The following AMACR variants were observed in gnomAD, a reference collection of about 807,000 sequenced individuals.
AMACR encodes the protein alpha-methylacyl-CoA racemase.
Under a neutral mutation model 22.2 loss-of-function variants are expected in AMACR, and 18 were observed. That is an observed-to-expected ratio of 0.81 (90% CI 0.56 to 1.20). The LOEUF is 1.20. AMACR is among the 50% of genes most tolerant of loss of function. The probability of loss-of-function intolerance (pLI) is 0.00; values close to 1 mark genes in which losing one functional copy is unlikely to be tolerated. For missense variants in AMACR, 499 were observed against 490.6 expected (o/e 1.02, Z -0.16); for synonymous variants, 213 against 191.3 (o/e 1.11, Z -0.94).
intron 4 of AMACR, chr5:33,993,874 G>A (rs924770333): frequency 5.9e-6 from 2 of 340,652 alleles, no homozygotes; most frequent in Admixed American, 7.3e-5. Context: ...ACTCCAGCCT[G>A]GGTGACAGAG....
At chr5:33,997,931 A>T (rs916371008) in intron 4 of AMACR, among the ~76,000 whole-genome samples, 10 of 152,228 alleles carry the variant, frequency 6.6e-5, no homozygotes, top group Admixed American at 1.3e-4. Context: ...TGAAACTCTA[A>T]ACTTGTAGTA....
intron 4 of AMACR, among the ~76,000 whole-genome samples, chr5:33,992,958 A>G (rs1753528553): frequency 6.6e-6 from 1 of 152,168 alleles, no homozygotes; most frequent in Non-Finnish European, 1.5e-5. Context: ...GTACAGTACT[A>G]GGGCATTAAG....
intron 4 of AMACR, among the ~76,000 whole-genome samples, chr5:33,991,226 T>C (rs183188393): frequency 6.6e-6 from 1 of 152,242 alleles, no homozygotes; most frequent in African/African-American, 2.4e-5. Context: ...GATCCTACCC[T>C]AACTCTAACA....
chr5:33,989,600 G>C, intron 4 of AMACR, 98 bp from the exon 5 acceptor site: 2 of 1,024,532 alleles, frequency 2.0e-6, no homozygotes, highest in South Asian at 1.4e-5. Context: ...TGCAAAATAA[G>C]ATGTTCTATA....
At chr5:33,992,782 A>G (rs976402242) in intron 4 of AMACR, among the ~76,000 whole-genome samples, 17 of 152,182 alleles carry the variant, frequency 1.1e-4, no homozygotes, top group African/African-American at 3.9e-4. Context: ...GCCACATCCC[A>G]TATTTTCCCA....
At position 34,007,929 on chromosome 5, in the gene AMACR, C is replaced by G; in HGVS notation, c.91G>C (p.Val31Leu). 1 of 1,610,136 alleles carries G rather than the reference C, an allele frequency of 6.2e-7. No individual in the cohort carries two copies. The highest frequency in any genetic ancestry group is 8.5e-7 in the Non-Finnish European group (1 of 1,179,420). ...GAGCCGGGCCGGTCCACGCGTACCA[C>G]ACGCGCCCCGAAGTCAGCCAGGACC... ...AMVLADFGAR[V>L]VRVDRPGSRY... Residue 31 changes from valine (V) to leucine (L), a missense_variant, in exon 1 of 5, where the codon GTG (valine) becomes CTG (leucine). Coordinates refer to ENST00000335606, the MANE Select transcript of AMACR (RefSeq NM_014324.6).
chr5:33,994,740 G>C (rs942081211), intron 4 of AMACR, among the ~76,000 whole-genome samples: 8 of 152,000 alleles, frequency 5.3e-5, no homozygotes, highest in Admixed American at 2.0e-4. Flanking sequence ...AAAGGCTATG[G>C]ATGCAAAAAG....
chr5:33,999,206 A>T (rs1237693015), intron 3 of AMACR, among the ~76,000 whole-genome samples: 1 of 152,246 alleles, frequency 6.6e-6, no homozygotes, highest in African/African-American at 2.4e-5. Flanking sequence ...AAAAATTAAA[A>T]GAGCTTTTAA....
At chr5:34,005,560 G>T (rs1286631554) in intron 2 of AMACR, among the ~76,000 whole-genome samples, 196 bp downstream of exon 2, 1 of 152,194 alleles carries the variant, frequency 6.6e-6, no homozygotes, top group Non-Finnish European at 1.5e-5. Flanking sequence ...CTTCCAACCT[G>T]TTAAGGGATG....
In AMACR at chr5:33,988,414, A is replaced by C; in HGVS notation, c.*679T>G. On this transcript the variant is annotated 3_prime_UTR_variant, in exon 5 of 5. Coordinates refer to ENST00000335606, the MANE Select transcript of AMACR (RefSeq NM_014324.6). ...AGGAAAGCTGACAGCCCAGAGACCC[A>C]CGGGGAAACAGGCCCCGAGTTACTG... 1 of 1,536,784 alleles carries C rather than the reference A, an allele frequency of 6.5e-7. No individual in the cohort carries two copies. The highest frequency in any genetic ancestry group is 1.2e-5 in the South Asian group (1 of 83,990).
At chr5:34,002,339 C>T (rs1476738786) in intron 3 of AMACR, among the ~76,000 whole-genome samples, 1 of 152,262 alleles carries the variant, frequency 6.6e-6, no homozygotes, top group Non-Finnish European at 1.5e-5. Flanking sequence ...TGATTAGCTA[C>T]ATTCTGCTGA....
At chr5:34,007,158 T>C (rs1381042557) in intron 1 of AMACR, among the ~76,000 whole-genome samples, 3 of 152,180 alleles carry the variant, frequency 2.0e-5, no homozygotes, top group Non-Finnish European at 2.9e-5. Flanking sequence ...ATTTTGGGAT[T>C]TGTGGAAGCT....
chr5:34,004,873 T>C (rs755529761), intron 2 of AMACR, 139 bp from the exon 3 acceptor site: 141 of 1,016,708 alleles, frequency 1.4e-4, no homozygotes, highest in Non-Finnish European at 2.1e-4. Context: ...CTTTTCCAAA[T>C]CTGAGCTTAG....
chr5:33,988,446 G>T lies in AMACR; in HGVS notation c.*647C>A. On this transcript the variant is annotated 3_prime_UTR_variant, in exon 5 of 5. Transcript: ENST00000335606. ...AACAGGCCCCGAGTTACTGGATACA[G>T]GCAACCCTAAAACTGACTGTCCCTC... 1 of 1,533,372 alleles carries T rather than the reference G, an allele frequency of 6.5e-7. No individual in the cohort carries two copies. The highest frequency in any genetic ancestry group is 1.2e-5 in the South Asian group (1 of 83,510). The allele number at this position is 1,533,372 out of a possible 1,614,324, so 95.0% of individuals were successfully genotyped here. A position where few individuals can be genotyped will look rare whatever the true frequency, so the allele number is the denominator to read the frequency against.
intron 4 of AMACR, among the ~76,000 whole-genome samples, chr5:33,995,524 A>G (rs990933797): frequency 6.6e-6 from 1 of 152,266 alleles, no homozygotes; most frequent in Non-Finnish European, 1.5e-5. Context: ...GCCATAGTGC[A>G]TAAGTGCTTA....
chr5:33,988,119 G>T lies in AMACR; in HGVS notation c.*974C>A. On this transcript the variant is annotated 3_prime_UTR_variant, in exon 5 of 5. Transcript: ENST00000335606. ...ACTCCCTCTACTCTGATGGCACCCG[G>T]ATTAGATTGTGGAATCTACCCCTTC... The T allele has an allele frequency of 1.8e-6, 1 of 543,398 alleles. No individual in the cohort carries two copies. The highest frequency in any genetic ancestry group is 3.3e-6 in the Non-Finnish European group (1 of 307,614). The allele number at this position is 543,398 out of a possible 1,614,324, so 33.7% of individuals were successfully genotyped here.
At chr5:34,007,332 G>A (rs1754012130) in intron 1 of AMACR, among the ~76,000 whole-genome samples, 2 of 152,190 alleles carry the variant, frequency 1.3e-5, no homozygotes, top group African/African-American at 4.8e-5. Flanking sequence ...AGGCAGGGAG[G>A]AGCGTTAGCC....
chr5:33,992,599 A>T (rs1579573442), intron 4 of AMACR, among the ~76,000 whole-genome samples: 1 of 152,158 alleles, frequency 6.6e-6, no homozygotes, highest in African/African-American at 2.4e-5. Context: ...GGTCCCAGCT[A>T]CACGAGAGGC....
At position 33,987,431 on chromosome 5, in the gene AMACR, C is replaced by T. The variant is rs1319118309; in HGVS notation, c.*1662G>A. 6.6e-6 allele frequency: 1 copy of T among 152,228 alleles called. No individual in the cohort carries two copies. The highest frequency in any genetic ancestry group is 2.4e-5 in the African/African-American group (1 of 41,460). The allele number at this position is 152,228 out of a possible 1,614,324, so 9.4% of individuals were successfully genotyped here. A position where few individuals can be genotyped will look rare whatever the true frequency, so the allele number is the denominator to read the frequency against. On this transcript the variant is annotated 3_prime_UTR_variant, in exon 5 of 5. Transcript: ENST00000335606. ...TGGTATTTCTAAAACTGTGCCAAGG[C>T]ACCCAGGGCATTAGAGTGACCTCAC...
Sources: gnomAD v4.1 joint callset for allele counts (sites outside exome capture counted in the v4.1 genomes callset) on GRCh38, gnomAD v4.1.1 for gene constraint, MANE v1.5 for transcripts, NCBI Gene and HGNC (gene_info 2026-07-23, HGNC 2026-07-21) for gene names.